HDAC9: variants seen among roughly 807,000 people sequenced by gnomAD.
HDAC9 encodes the protein MEF-2 interacting transcription repressor (MITR) protein.
Under a neutral mutation model 139.4 loss-of-function variants are expected in HDAC9, and 41 were observed. The observed-to-expected ratio is 0.29, with a 90% CI of 0.23 to 0.38. HDAC9 has a LOEUF of 0.38. Ranked by LOEUF, HDAC9 falls within the 10% of genes least tolerant of loss-of-function variation. HDAC9 has a pLI of 1.00. For synonymous variants in HDAC9, 517 were observed against 476.2 expected, an observed-to-expected ratio of 1.09 and a Z score of -1.12; for missense variants, 1,147 against 1,297.0, an observed-to-expected ratio of 0.88 and a Z score of 1.78.
At chr7:18,487,339 A>G (rs1197497399) in intron 1 of HDAC9, among the ~76,000 whole-genome samples, 1 of 152,062 alleles carries the variant, frequency 6.6e-6, no homozygotes, top group East Asian at 1.9e-4. Context: ...ATACAAGAAC[A>G]TCATGTTCAG....
chr7:18,228,484 G>A (rs1030523913), intron 2 of HDAC9, among the ~76,000 whole-genome samples: 13 of 152,092 alleles, frequency 8.5e-5, no homozygotes, highest in African/African-American at 3.1e-4. Flanking sequence ...ATATTAGATA[G>A]CAATATTCTA....
Position 18,178,365 on chromosome 7 carries a change from G to A in HDAC9, c.25+16016G>A, listed in dbSNP as rs139271698. 8.2e-3 allele frequency among the ~76,000 whole-genome samples: 1,254 copies of A among 152,298 alleles called. 16 individuals are homozygous for A. Among genetic ancestry groups the A allele is most frequent in the African/African-American group, 0.028 (1,181 of 41,562 alleles). On this transcript the variant is annotated intron_variant, in intron 2 of 12. Transcript: ENST00000417496. ...CTCCCAAAGTGCTGGGATGACAGGC[G>A]TGAGCCACTGCACCCGGCCCCCCTC...
intron 6 of HDAC9, among the ~76,000 whole-genome samples, chr7:18,615,684 T>C (rs1381416946): frequency 1.3e-5 from 2 of 152,194 alleles, no homozygotes; most frequent in Non-Finnish European, 2.9e-5. Flanking sequence ...TACTACTCTT[T>C]AATTCCTACT....
chr7:18,402,129 A>T (rs2128735008), intron 1 of HDAC9, among the ~76,000 whole-genome samples: 1 of 152,330 alleles, frequency 6.6e-6, no homozygotes, highest in African/African-American at 2.4e-5. Flanking sequence ...ACCATGGTTG[A>T]CTTGGAGGGG....
rs150400622 is a variant in HDAC9 at position 18,963,483 on chromosome 7, A to G, written c.3022+9253A>G. Among the ~76,000 whole-genome samples the G allele has an allele frequency of 2.9e-3, 442 of 152,328 alleles. 3 individuals carry two copies. Among genetic ancestry groups the G allele is most frequent in the African/African-American group, 8.9e-3 (372 of 41,584 alleles). On this transcript the variant is annotated intron_variant, in intron 24 of 25. Transcript: ENST00000686413. ...ATAAATGAATAAAATCCAATGCACA[A>G]TAACACAAGGCACTAGGGAGAGTTG...
At chr7:18,376,441 A>C (rs564012916) in intron 1 of HDAC9, among the ~76,000 whole-genome samples, 1 of 152,342 alleles carries the variant, frequency 6.6e-6, no homozygotes, top group African/African-American at 2.4e-5. Context: ...CATATGCAGA[A>C]TGCTTTGATT....
intron 1 of HDAC9, among the ~76,000 whole-genome samples, chr7:18,338,992 T>C (rs545318370): frequency 2.0e-5 from 3 of 151,682 alleles, no homozygotes; most frequent in Middle Eastern, 3.4e-3. Flanking sequence ...TTTGGTAGTT[T>C]GTGTTTTCCA....
rs373839388 is a variant in HDAC9, at chr7:18,955,675, A to T, written c.3022+1445A>T. On this transcript the variant is annotated intron_variant, in intron 24 of 25. Coordinates refer to ENST00000686413, the MANE Select transcript of HDAC9 (RefSeq NM_178425.4). ...GCTAACAGTCCAATGAGTGAGAGAC[A>T]ACCAAGTAAATAATTGCAATACAGT... 5.0e-4 allele frequency among the ~76,000 whole-genome samples: 76 copies of T among 152,256 alleles called. 2 individuals are homozygous for T. The South Asian group carries it at 0.016, about 32-fold the overall frequency.
intron 1 of HDAC9, among the ~76,000 whole-genome samples, chr7:18,146,953 G>A (rs549919748): frequency 1.6e-4 from 24 of 151,970 alleles, no homozygotes; most frequent in Non-Finnish European, 2.9e-4. Context: ...AAGTAACAAG[G>A]GAAAAATATG....
intron 22 of HDAC9, among the ~76,000 whole-genome samples, chr7:18,879,681 A>G (rs904536440): frequency 6.6e-6 from 1 of 152,194 alleles, no homozygotes; most frequent in Non-Finnish European, 1.5e-5. Flanking sequence ...TTAAAGACTT[A>G]AATATAAAAC....
intron 21 of HDAC9, among the ~76,000 whole-genome samples, chr7:18,860,436 G>C (rs1193171556): frequency 6.6e-6 from 1 of 152,150 alleles, no homozygotes; most frequent in East Asian, 1.9e-4. Flanking sequence ...CAAAGATTTG[G>C]AAAGATACAT....
At chr7:18,130,915 T>C (rs1046876533) in intron 1 of HDAC9, among the ~76,000 whole-genome samples, 1 of 152,148 alleles carries the variant, frequency 6.6e-6, no homozygotes, top group African/African-American at 2.4e-5. Context: ...CCATTAGCAA[T>C]GTCCAAACTT....
chr7:18,189,927 G>A (rs1790220633), intron 2 of HDAC9, among the ~76,000 whole-genome samples: 1 of 151,714 alleles, frequency 6.6e-6, no homozygotes, highest in South Asian at 2.1e-4. Context: ...TGTGGTGTGT[G>A]TGTGTGTGTG....
chr7:18,183,810 T>C (rs1000503055), intron 2 of HDAC9, among the ~76,000 whole-genome samples: 2 of 152,108 alleles, frequency 1.3e-5, no homozygotes, highest in African/African-American at 4.8e-5. Context: ...TAAACTAAGG[T>C]ATTAAAGTAA....
chr7:18,734,526 A>G (rs1786704390), intron 13 of HDAC9, among the ~76,000 whole-genome samples: 1 of 152,066 alleles, frequency 6.6e-6, no homozygotes. Flanking sequence ...GGTGGTTTCC[A>G]GCTTCCAGCT....
At chr7:18,775,414 C>T (rs1193411882) in intron 16 of HDAC9, among the ~76,000 whole-genome samples, 1 of 151,988 alleles carries the variant, frequency 6.6e-6, no homozygotes, top group African/African-American at 2.4e-5. Flanking sequence ...CAAGGTGTGC[C>T]TGTATCGAGT....
At chr7:18,234,091 T>G (rs1359661035) in intron 2 of HDAC9, among the ~76,000 whole-genome samples, 1 of 152,224 alleles carries the variant, frequency 6.6e-6, no homozygotes, top group East Asian at 1.9e-4. Context: ...TGATGTGTGT[T>G]AGATTACGTA....
intron 1 of HDAC9, among the ~76,000 whole-genome samples, chr7:18,364,952 GT>G (rs2128693996): frequency 6.6e-6 from 1 of 152,232 alleles, no homozygotes; most frequent in African/African-American, 2.4e-5. Flanking sequence ...AGTTGAGTCT[GT>G]GTGCAGGTGG....
At chr7:18,857,859 A>G (rs1160927326) in intron 21 of HDAC9, among the ~76,000 whole-genome samples, 1 of 152,120 alleles carries the variant, frequency 6.6e-6, no homozygotes, top group South Asian at 2.1e-4. Context: ...TGACATTCCC[A>G]TTTTCAATGG....
Sources: gnomAD v4.1 joint callset for allele counts (sites outside exome capture counted in the v4.1 genomes callset) on GRCh38, gnomAD v4.1.1 for gene constraint, MANE v1.5 for transcripts, NCBI Gene and HGNC (gene_info 2026-07-23, HGNC 2026-07-21) for gene names.